Variants in SSBP3 observed in about 807,000 individuals in gnomAD.
The protein encoded by SSBP3 is single-stranded DNA-binding protein 3.
SSBP3 carries 5 observed loss-of-function variants against 69.6 expected under a neutral mutation model. The ratio of observed to expected loss-of-function variants is 0.07; its 90% CI spans 0.04 to 0.15. The LOEUF (loss-of-function observed/expected upper bound fraction) is 0.15. SSBP3 is among the 10% of genes least tolerant of loss of function. The pLI is 1.00. For missense variants in SSBP3, 312 were observed against 534.0 expected (o/e 0.58, Z 4.10); for synonymous variants, 196 against 193.4 (o/e 1.01, Z -0.11).
At chr1:54,298,436 G>C (rs997572622) in intron 4 of SSBP3, among the ~76,000 whole-genome samples, 6 of 152,212 alleles carry the variant, frequency 3.9e-5, no homozygotes, top group African/African-American at 1.4e-4. Flanking sequence ...TGGGGAGCCA[G>C]TGCTGTCCCC....
chr1:54,366,127 G>T (rs545810139), intron 4 of SSBP3, among the ~76,000 whole-genome samples: 47 of 152,222 alleles, frequency 3.1e-4, no homozygotes, highest in Non-Finnish European at 6.2e-4. Context: ...TTCCCTCTGT[G>T]AGTTAACTGC....
chr1:54,248,611 C>T lies in SSBP3; in HGVS notation c.651+3005G>A, dbSNP rs538850175. Reference sequence around the variant, plus strand: ...GAGTCTGCCCTCTCCCTACCCTCCACCTCAGAGTCCCAAACCACCAGGCTC... The same window carrying T: ...GAGTCTGCCCTCTCCCTACCCTCCATCTCAGAGTCCCAAACCACCAGGCTC... On this transcript the variant is annotated intron_variant, in intron 9 of 17. Coordinates refer to ENST00000610401, the Ensembl canonical transcript of SSBP3. Among the ~76,000 whole-genome samples the T allele has an allele frequency of 2.9e-3, 446 of 152,294 alleles. 4 individuals are homozygous for T. The highest frequency in any genetic ancestry group is 9.4e-3 in the African/African-American group (391 of 41,568).
chr1:54,395,457 C>T (rs1648795767), intron 4 of SSBP3, among the ~76,000 whole-genome samples: 1 of 152,152 alleles, frequency 6.6e-6, no homozygotes, highest in Non-Finnish European at 1.5e-5. Context: ...CCATTCTGCC[C>T]AATACAGATA....
rs555296563 is a variant in SSBP3 at position 54,383,641 on chromosome 1, G to C, written c.276+18220C>G. ...AAATCGCCACCAACCCTGAATTACA[G>C]GGTGTTCAATAATAAAATATTTCTA... On this transcript the variant is annotated intron_variant, in intron 4 of 17. Transcript: ENST00000610401. 5.3e-5 allele frequency among the ~76,000 whole-genome samples: 8 copies of C among 152,218 alleles called. No individual in the cohort carries two copies. The South Asian group carries it at 6.2e-4, about 12-fold the overall frequency.
intron 4 of SSBP3, among the ~76,000 whole-genome samples, chr1:54,346,731 C>T (rs538196040): frequency 1.2e-4 from 18 of 151,428 alleles, no homozygotes; most frequent in Admixed American, 6.6e-4. Context: ...AGGAGAATGG[C>T]GTGAACCCGG....
chr1:54,357,161 G>A (rs1379920605), intron 4 of SSBP3, among the ~76,000 whole-genome samples: 1 of 152,172 alleles, frequency 6.6e-6, no homozygotes, highest in Non-Finnish European at 1.5e-5. Context: ...AAAGGGGCTA[G>A]GAGGGGAAGG....
chr1:54,322,333 C>T (rs1056017446), intron 4 of SSBP3, among the ~76,000 whole-genome samples: 2 of 152,160 alleles, frequency 1.3e-5, no homozygotes, highest in African/African-American at 4.8e-5. Context: ...GAAGCAGAGG[C>T]TTCAGTGGGT....
At chr1:54,227,224 G>C (rs1272391393) in intron 17 of SSBP3, 64 bp from the exon 18 acceptor site, 3 of 961,898 alleles carry the variant, frequency 3.1e-6, no homozygotes, top group African/African-American at 3.3e-5. Context: ...GACACACCCA[G>C]GTGCCAAGAG....
chr1:54,383,148 C>T (rs1237387646), intron 4 of SSBP3, among the ~76,000 whole-genome samples: 1 of 151,824 alleles, frequency 6.6e-6, no homozygotes, highest in Non-Finnish European at 1.5e-5. Context: ...CCGAGGTGGG[C>T]GGATTGTCTG....
intron 3 of SSBP3, 129 bp from the exon 4 acceptor site, chr1:54,402,074 A>G: frequency 5.6e-6 from 4 of 717,890 alleles, no homozygotes; most frequent in Non-Finnish European, 9.0e-6. Flanking sequence ...ATCAGCTCTC[A>G]TTGGGCAAAC....
At chr1:54,328,567 C>A (rs1487325723) in intron 4 of SSBP3, among the ~76,000 whole-genome samples, 1 of 152,190 alleles carries the variant, frequency 6.6e-6, no homozygotes, top group Non-Finnish European at 1.5e-5. Flanking sequence ...GCTGCCTTGT[C>A]CACCAGAGTT....
intron 4 of SSBP3, among the ~76,000 whole-genome samples, chr1:54,283,792 G>C (rs530969379): frequency 6.6e-6 from 1 of 151,142 alleles, no homozygotes; most frequent in East Asian, 2.0e-4. Context: ...CCATCCCCCA[G>C]GTCTGAGGTC....
At chr1:54,229,417 G>C (rs567242934) in intron 14 of SSBP3, among the ~76,000 whole-genome samples, 121 of 152,358 alleles carry the variant, frequency 7.9e-4, no homozygotes, top group Non-Finnish European at 1.4e-3. Context: ...GGGCTGGGCG[G>C]TGAGAAGAGG....
At chr1:54,356,721 A>G (rs75252808) in intron 4 of SSBP3, 17,772 of 152,322 alleles carry the variant, frequency 0.12, 1,305 homozygotes, top group Admixed American at 0.25. Context: ...AAGGGGGCCA[A>G]GCACGGGTGC....
chr1:54,291,562 A>G (rs554743054), intron 4 of SSBP3, among the ~76,000 whole-genome samples: 1 of 152,324 alleles, frequency 6.6e-6, no homozygotes, highest in East Asian at 1.9e-4. Context: ...TTTAGCTAAC[A>G]GTCTCTGTTT....
chr1:54,258,068 C>A lies in SSBP3; in HGVS notation c.447+1G>T, dbSNP rs1233289637. 6.3e-7 allele frequency: 1 copy of A among 1,588,648 alleles called. No homozygotes were observed. Among genetic ancestry groups the A allele is most frequent in the Non-Finnish European group, 8.6e-7 (1 of 1,169,476 alleles). On this transcript the variant is annotated splice_donor_variant, in intron 6 of 17. Coordinates refer to ENST00000610401, the Ensembl canonical transcript of SSBP3. LOFTEE classifies it high-confidence loss of function. This position sits in a 1 kb window ranked among gnomAD's most constrained non-coding sequence, Gnocchi z 4.5. The stretch of plus-strand genomic sequence containing the variant: ...GGGCGGGAGCGCCACGGTGCGTTTA[C>A]CTGACTGTGGGGTCCCATCATGCTG...
chr1:54,243,777 C>A (rs1189070360), intron 9 of SSBP3, among the ~76,000 whole-genome samples: 2 of 152,186 alleles, frequency 1.3e-5, no homozygotes, highest in Non-Finnish European at 1.5e-5. Flanking sequence ...CCAGGCCTGG[C>A]ACATACAGAC....
At chr1:54,262,581 G>A (rs1035927773) in intron 5 of SSBP3, among the ~76,000 whole-genome samples, 2 of 152,182 alleles carry the variant, frequency 1.3e-5, no homozygotes, top group South Asian at 2.1e-4. Flanking sequence ...GGACAAAAAC[G>A]ATTACACAGA....
Position 54,385,399 on chromosome 1 carries a change from G to A in SSBP3, c.276+16462C>T, listed in dbSNP as rs145453500. ...TTACAAGCTTCCCTATTTACCCAGG[G>A]CTACAAATCTATCAGTGGGGAAGCT... On this transcript the variant is annotated intron_variant, in intron 4 of 17. Transcript: ENST00000610401. 2.6e-5 allele frequency among the ~76,000 whole-genome samples: 4 copies of A among 152,192 alleles called. No individual in the cohort carries two copies. The East Asian group carries it at 7.7e-4, about 29-fold the overall frequency.
Sources: allele counts gnomAD v4.1 joint callset (sites outside exome capture counted in the v4.1 genomes callset), GRCh38; gene constraint gnomAD v4.1.1; non-coding constraint Gnocchi (gnomAD v3.1); transcripts MANE v1.5; gene names NCBI Gene and HGNC (gene_info 2026-07-23, HGNC 2026-07-21).